Variants in RAB17 observed in about 807,000 individuals in gnomAD.
RAB17 encodes the protein RAB17, member RAS oncogene family.
Under a neutral mutation model 19.3 loss-of-function variants are expected in RAB17, and 15 were observed. The observed-to-expected ratio is 0.78, with a 90% CI of 0.52 to 1.20. RAB17 has a LOEUF of 1.20. Ranked by LOEUF, RAB17 falls within the 50% of genes most tolerant of loss-of-function variation. The pLI is 0.00. For synonymous variants in RAB17, 110 were observed against 112.8 expected, an observed-to-expected ratio of 0.97 and a Z score of 0.16; for missense variants, 262 against 269.3, an observed-to-expected ratio of 0.97 and a Z score of 0.19.
chr2:237,581,445 C>T (rs779738394), intron 2 of RAB17, among the ~76,000 whole-genome samples: 7 of 151,862 alleles, frequency 4.6e-5, no homozygotes, highest in Admixed American at 1.3e-4. Context: ...AGTAGAGACA[C>T]GGTTTCACCA....
In RAB17 at chr2:237,575,406, C is replaced by T. The variant is rs566785323; in HGVS notation, c.510G>A (p.Ser170=). 73 of 1,611,928 alleles carry T rather than the reference C, an allele frequency of 4.5e-5. No individual in the cohort carries two copies. The South Asian group carries it at 6.2e-4, about 14-fold the overall frequency. ...ACTCACCCACTGTATTGAACACCTC[C>T]GACACCTGGTGGTTCAGTTTGGCCG... The part of the protein sequence containing the change: ...ETSAKLNHQV[S]EVFNTVAQEL... The change falls in exon 5 of 6, where the codon TCG becomes TCA. Residue 170 remains serine, a synonymous_variant. Transcript: ENST00000264601.
At position 237,574,416 on chromosome 2, in the gene RAB17, T is replaced by C. The variant is rs573726347; in HGVS notation, c.*603A>G. The C allele has an allele frequency of 4.2e-4, 656 of 1,546,512 alleles. 1 individual carries two copies. Among genetic ancestry groups the C allele is most frequent in the Admixed American group, 9.3e-4 (47 of 50,536 alleles). On this transcript the variant is annotated 3_prime_UTR_variant, in exon 6 of 6. Transcript: ENST00000264601. ...AAATGTCTCAGAATCTTCCTGCTCA[T>C]TGGACAGAAACTCAGCTTCACCACA...
chr2:237,577,714 G>T (rs2081276629), intron 3 of RAB17: 2 of 478,276 alleles, frequency 4.2e-6, no homozygotes, highest in Middle Eastern at 5.6e-4. Flanking sequence ...ACCACTTTGT[G>T]CAAGAGAGTC....
At position 237,577,184 on chromosome 2, in the gene RAB17, CCAAGGTCT is replaced by C. The variant is rs918604019; in HGVS notation, c.435+65_435+72del. 1.1e-5 allele frequency: 17 copies of C among 1,537,918 alleles called. No homozygotes were observed. The African/African-American group carries it at 1.4e-4, about 12-fold the overall frequency. The stretch of plus-strand genomic sequence containing the variant: ...GTGTGCGTGTATGAAAGTGTGAGTG[CCAAGGTCT>C]TGACACAGGCGGGCAGGGCTCTCTC... On this transcript the variant is annotated intron_variant, in intron 4 of 5. Coordinates refer to ENST00000264601, the MANE Select transcript of RAB17 (RefSeq NM_022449.4).
intron 5 of RAB17, 49 bp from the exon 6 acceptor site, chr2:237,575,177 C>T: frequency 2.0e-6 from 3 of 1,490,256 alleles, no homozygotes; most frequent in Admixed American, 1.7e-5. Flanking sequence ...AGTCGCCCAG[C>T]CCAGCACAGC....
chr2:237,586,250 C>A, intron 1 of RAB17, 93 bp from the exon 2 acceptor site: 1 of 1,375,286 alleles, frequency 7.3e-7, no homozygotes, highest in Non-Finnish European at 9.8e-7. Context: ...CGGTCAGGAG[C>A]AGATGGCCCA....
Position 237,574,794 on chromosome 2 carries a change from C to G in RAB17, c.*225G>C. On this transcript the variant is annotated 3_prime_UTR_variant, in exon 6 of 6. Transcript: ENST00000264601. ...CAGGCATCGGGGAATCAGATGGTAT[C>G]AGTGGGGATAGGGCACAGCACTTTC... 1 of 999,160 alleles carries G rather than the reference C, an allele frequency of 1.0e-6. No homozygotes were observed. The highest frequency in any genetic ancestry group is 1.4e-6 in the Non-Finnish European group (1 of 712,454). The allele number at this position is 999,160 out of a possible 1,614,324, so 61.9% of individuals were successfully genotyped here. A position where few individuals can be genotyped will look rare whatever the true frequency, so the allele number is the denominator to read the frequency against.
At chr2:237,587,266 T>G (rs1346335091) in intron 1 of RAB17, among the ~76,000 whole-genome samples, 4 of 152,232 alleles carry the variant, frequency 2.6e-5, no homozygotes, top group Non-Finnish European at 5.9e-5. Flanking sequence ...TCTAATAATG[T>G]TCTAATGTTA....
At chr2:237,577,858 T>C in intron 3 of RAB17, 146 bp downstream of exon 3, 1 of 906,034 alleles carries the variant, frequency 1.1e-6, no homozygotes, top group South Asian at 1.7e-5. Context: ...TGGGGGGTTG[T>C]CAGGAGGCCA....
chr2:237,590,261 A>G (rs1474389983), intron 1 of RAB17, among the ~76,000 whole-genome samples: 1 of 152,176 alleles, frequency 6.6e-6, no homozygotes, highest in African/African-American at 2.4e-5. Flanking sequence ...GCCATCAGAA[A>G]TCTGAACTAG....
In RAB17 at chr2:237,590,463, T is replaced by C. The variant is rs1317567411; in HGVS notation, c.-4+4A>G. 1 of 152,132 alleles carries C rather than the reference T, an allele frequency of 6.6e-6. No homozygotes were observed. The highest frequency in any genetic ancestry group is 1.5e-5 in the Non-Finnish European group (1 of 68,174). 9.4% of individuals were successfully genotyped at this position (152,132 alleles called of 1,614,324 possible). A position where few individuals can be genotyped will look rare whatever the true frequency, so the allele number is the denominator to read the frequency against. On this transcript the variant is annotated splice_donor_region_variant and intron_variant, in intron 1 of 5. Coordinates refer to ENST00000264601, the MANE Select transcript of RAB17 (RefSeq NM_022449.4). The stretch of plus-strand genomic sequence containing the variant: ...AGGGCACAGAGGTTTAAACAATGAC[T>C]CACCTGTTCCCCAGGCCCGGTCACT...
chr2:237,584,675 C>G (rs2081334612), intron 2 of RAB17, among the ~76,000 whole-genome samples: 1 of 152,204 alleles, frequency 6.6e-6, no homozygotes, highest in African/African-American at 2.4e-5. Context: ...TGCTGCCTCT[C>G]TCTGCATCTT....
In RAB17 at chr2:237,574,828, C is replaced by G. The variant is rs966434563; in HGVS notation, c.*191G>C. The G allele has an allele frequency of 4.8e-6, 4 of 841,286 alleles. No homozygotes were observed. In the South Asian group the frequency reaches 8.7e-5, roughly 18 times the overall value. 52.1% of individuals were successfully genotyped at this position (841,286 alleles called of 1,614,324 possible). On this transcript the variant is annotated 3_prime_UTR_variant, in exon 6 of 6. Coordinates refer to ENST00000264601, the MANE Select transcript of RAB17 (RefSeq NM_022449.4). ...TAGGGCACAGCACTTTCCTGGGAGC[C>G]ATGTGACGCCAGATCTTCCTCTGGC...
chr2:237,574,920 G>C lies in RAB17; in HGVS notation c.*99C>G. 1 of 1,010,394 alleles carries C rather than the reference G, an allele frequency of 9.9e-7. No individual in the cohort carries two copies. The highest frequency in any genetic ancestry group is 1.9e-5 in the South Asian group (1 of 51,960). 62.6% of individuals were successfully genotyped at this position (1,010,394 alleles called of 1,614,324 possible). On this transcript the variant is annotated 3_prime_UTR_variant, in exon 6 of 6. Transcript: ENST00000264601. ...CAACTTCCAGGAACATCTAGGGCTC[G>C]GGAGCAACCCAGCATTGACAGTGAA...
rs1460784027 is a variant in RAB17, at chr2:237,574,977, G to A, written c.*42C>T. 6 of 1,446,080 alleles carry A rather than the reference G, an allele frequency of 4.1e-6. No individual in the cohort carries two copies. The highest frequency in any genetic ancestry group is 4.7e-6 in the Non-Finnish European group (5 of 1,059,354). The allele number at this position is 1,446,080 out of a possible 1,614,324, so 89.6% of individuals were successfully genotyped here. On this transcript the variant is annotated 3_prime_UTR_variant, in exon 6 of 6. Coordinates refer to ENST00000264601, the MANE Select transcript of RAB17 (RefSeq NM_022449.4). ...TCCACCTAGAGCTGGCCATGGCCCA[G>A]GCAGGGGGTGTCTTCCCCACAGCCC...
Position 237,574,725 on chromosome 2 carries a change from G to GTT in RAB17, c.*293_*294insAA, listed in dbSNP as rs2081247158. 9 of 1,403,318 alleles carry GTT rather than the reference G, an allele frequency of 6.4e-6. No homozygotes were observed. Among genetic ancestry groups the GTT allele is most frequent in the Non-Finnish European group, 8.4e-6 (9 of 1,076,068 alleles). 86.9% of individuals were successfully genotyped at this position (1,403,318 alleles called of 1,614,324 possible). A position where few individuals can be genotyped will look rare whatever the true frequency, so the allele number is the denominator to read the frequency against. On this transcript the variant is annotated 3_prime_UTR_variant, in exon 6 of 6. Transcript: ENST00000264601. ...CCAATCCTTCCTTCCTCTCTGTCCAGAGGCTGCCAGGCTGAGGGGGCCACC... is the reference window on the plus strand; with the variant it reads ...CCAATCCTTCCTTCCTCTCTGTCCAGTTAGGCTGCCAGGCTGAGGGGGCCACC...
chr2:237,575,486 G>GGAAA lies in RAB17; in HGVS notation c.436-10_436-7dup. On this transcript the variant is annotated splice_polypyrimidine_tract_variant and splice_region_variant and intron_variant, in intron 4 of 5. Coordinates refer to ENST00000264601, the MANE Select transcript of RAB17 (RefSeq NM_022449.4). ...TCGGCAAACTCCTTCCCTTCCTGAAGGAAACAGCCACAAAATCCAGCGCTG... is the reference window on the plus strand; with the variant it reads ...TCGGCAAACTCCTTCCCTTCCTGAAGGAAAGAAACAGCCACAAAATCCAGCGCTG... 1 of 1,605,436 alleles carries GGAAA rather than the reference G, an allele frequency of 6.2e-7. No homozygotes were observed. The highest frequency in any genetic ancestry group is 8.5e-7 in the Non-Finnish European group (1 of 1,175,466).
At position 237,574,711 on chromosome 2, in the gene RAB17, T is replaced by C. The variant is rs2081247026; in HGVS notation, c.*308A>G. On this transcript the variant is annotated 3_prime_UTR_variant, in exon 6 of 6. Coordinates refer to ENST00000264601, the MANE Select transcript of RAB17 (RefSeq NM_022449.4). ...CTGCGGGGACTTTTCCAATCCTTCC[T>C]TCCTCTCTGTCCAGAGGCTGCCAGG... is the stretch of plus-strand genomic sequence containing the variant. 6.3e-6 allele frequency: 9 copies of C among 1,419,936 alleles called. No individual in the cohort carries two copies. The South Asian group carries it at 1.4e-4, about 23-fold the overall frequency. 88.0% of individuals were successfully genotyped at this position (1,419,936 alleles called of 1,614,324 possible). A position where few individuals can be genotyped will look rare whatever the true frequency, so the allele number is the denominator to read the frequency against.
At chr2:237,576,136 TCCAG>T (rs1354977734) in intron 4 of RAB17, among the ~76,000 whole-genome samples, 4 of 151,850 alleles carry the variant, frequency 2.6e-5, no homozygotes, top group African/African-American at 9.7e-5. Flanking sequence ...CTCCTGACTG[TCCAG>T]CCAGACATGG....
Sources: gnomAD v4.1 joint callset for allele counts (sites outside exome capture counted in the v4.1 genomes callset) on GRCh38, gnomAD v4.1.1 for gene constraint, MANE v1.5 for transcripts, NCBI Gene and HGNC (gene_info 2026-07-23, HGNC 2026-07-21) for gene names.